The following ITGA1 variants were observed in gnomAD, a reference collection of about 807,000 sequenced individuals.
ITGA1 encodes integrin subunit alpha 1.
Under a neutral mutation model 145.9 loss-of-function variants are expected in ITGA1, and 85 were observed. The observed-to-expected ratio is 0.58, with a 90% confidence interval of 0.49 to 0.70. ITGA1 has a LOEUF of 0.70. Ranked by LOEUF, ITGA1 falls within the 30% of genes least tolerant of loss-of-function variation. The probability of loss-of-function intolerance (pLI) is 0.00; values close to 1 mark genes in which losing one functional copy is unlikely to be tolerated. For missense variants in ITGA1, 1,351 were observed against 1,418.7 expected (o/e 0.95, Z 0.77); for synonymous variants, 520 against 495.3 (o/e 1.05, Z -0.66).
intron 9 of ITGA1, among the ~76,000 whole-genome samples, chr5:52,896,168 A>C (rs1338815930): frequency 6.6e-6 from 1 of 152,192 alleles, no homozygotes. Context: ...AGTTTGAAGC[A>C]AGAAGCCCAG....
chr5:52,815,205 G>A (rs1235164772), intron 1 of ITGA1, among the ~76,000 whole-genome samples: 1 of 151,976 alleles, frequency 6.6e-6, no homozygotes. Context: ...ATCCACCACG[G>A]TTTTTACTCT....
intron 11 of ITGA1, among the ~76,000 whole-genome samples, chr5:52,901,504 T>G (rs1750313708): frequency 6.6e-6 from 1 of 152,202 alleles, no homozygotes; most frequent in Non-Finnish European, 1.5e-5. Context: ...TATTGAGTAT[T>G]TACAAATTTA....
At chr5:52,826,899 A>G (rs555740647) in intron 1 of ITGA1, among the ~76,000 whole-genome samples, 2 of 152,284 alleles carry the variant, frequency 1.3e-5, no homozygotes, top group Admixed American at 6.5e-5. Context: ...TGTTGTTTCA[A>G]TGACTTCTGA....
chr5:52,920,424 A>G lies in ITGA1; in HGVS notation c.2248A>G (p.Thr750Ala). Reference protein sequence around the residue: ...TQERKVQRNITVRKSECTKHS... With the variant: ...TQERKVQRNIAVRKSECTKHS... ...AGAGAGAAAGGTTCAAAGGAACATC[A>G]CAGTTCGAAAATCAGAATGCACTAA... Residue 750 changes from threonine to alanine, a missense_variant, in exon 17 of 29, where the codon ACA becomes GCA. Physicochemically the swap from Thr to Ala is moderately conservative, Grantham distance 58. Coordinates refer to ENST00000282588, the MANE Select transcript of ITGA1 (RefSeq NM_181501.2). 6.2e-7 allele frequency: 1 copy of G among 1,610,472 alleles called. No individual in the cohort carries two copies. The highest frequency in any genetic ancestry group is 1.7e-4 in the Middle Eastern group (1 of 6,040).
intron 7 of ITGA1, among the ~76,000 whole-genome samples, chr5:52,885,927 C>T (rs998292131): frequency 1.1e-4 from 16 of 152,284 alleles, no homozygotes; most frequent in Admixed American, 2.6e-4. Flanking sequence ...TAGGAACATA[C>T]GGCACTGGAG....
intron 28 of ITGA1, among the ~76,000 whole-genome samples, chr5:52,950,519 A>G (rs1290227533): frequency 6.6e-6 from 1 of 152,178 alleles, no homozygotes; most frequent in Non-Finnish European, 1.5e-5. Flanking sequence ...CAAACACAGG[A>G]AGGAAAAAAT....
In ITGA1 at chr5:52,927,359, AG is replaced by A. The variant is rs376083336; in HGVS notation, c.2614-223del. On this transcript the variant is annotated intron_variant, in intron 19 of 28. Transcript: ENST00000282588. ...CCATTTTACAACTGAAAACTTAGGT[AG>A]GATTGTGAGATATGCTTTGTCTTTC... 5.1e-3 allele frequency among the ~76,000 whole-genome samples: 784 copies of A among 152,330 alleles called. 3 individuals are homozygous for A. Among genetic ancestry groups the A allele is most frequent in the Middle Eastern group, 0.041 (12 of 294 alleles).
chr5:52,869,110 G>T (rs1383865378), intron 6 of ITGA1, among the ~76,000 whole-genome samples: 1 of 152,094 alleles, frequency 6.6e-6, no homozygotes, highest in Admixed American at 6.6e-5. Context: ...AATCTCTGAG[G>T]GTGGGGCTAT....
chr5:52,933,942 T>G lies in ITGA1; in HGVS notation c.2910T>G (p.Pro970=). Residue 970 remains proline, a synonymous_variant, in exon 23 of 29, where the codon CCT becomes CCG. Coordinates refer to ENST00000282588, the MANE Select transcript of ITGA1 (RefSeq NM_181501.2). ...HISIAANETV[P]EVINSTEDIG... ...CAATTGCTGCCAATGAGACAGTCCC[T>G]GAAGTTATTAATTCTACTGAGGACA... 6.5e-7 allele frequency: 1 copy of G among 1,536,172 alleles called. No homozygotes were observed. Among genetic ancestry groups the G allele is most frequent in the Non-Finnish European group, 8.8e-7 (1 of 1,136,714 alleles).
At chr5:52,949,383 A>T (rs1193941231) in intron 28 of ITGA1, among the ~76,000 whole-genome samples, 2 of 152,130 alleles carry the variant, frequency 1.3e-5, no homozygotes, top group Admixed American at 6.5e-5. Context: ...CTGTGCCAAA[A>T]CCACTGACTA....
chr5:52,906,539 CG>C (rs1193387091), intron 12 of ITGA1, among the ~76,000 whole-genome samples: 1 of 152,056 alleles, frequency 6.6e-6, no homozygotes, highest in East Asian at 1.9e-4. Context: ...AAAGAAACAT[CG>C]TAAATATGCA....
In ITGA1 at chr5:52,911,688, C is replaced by CTG. The variant is rs1339104058; in HGVS notation, c.1857+1270_1857+1271insGT. Among the ~76,000 whole-genome samples the CTG allele has an allele frequency of 2.3e-4, 31 of 132,568 alleles. 1 individual carries two copies. The highest frequency in any genetic ancestry group is 8.3e-4 in the African/African-American group (30 of 35,986). The allele number at this position is 132,568 out of a possible 152,430, so 87.0% of individuals were successfully genotyped here. ...ACATATAGTGTATCTACTATATATA[C>CTG]TATACATATAGTGTATCTACTATAT... On this transcript the variant is annotated intron_variant, in intron 14 of 28. Coordinates refer to ENST00000282588, the MANE Select transcript of ITGA1 (RefSeq NM_181501.2).
intron 1 of ITGA1, among the ~76,000 whole-genome samples, chr5:52,847,236 C>CT (rs909613146): frequency 1.4e-4 from 21 of 151,122 alleles, no homozygotes; most frequent in South Asian, 2.1e-4. Flanking sequence ...ATGGGTGTAT[C>CT]TTTTTTTTTG....
chr5:52,865,416 C>T (rs1004287972), intron 5 of ITGA1, among the ~76,000 whole-genome samples: 1 of 152,122 alleles, frequency 6.6e-6, no homozygotes. Context: ...ATATAAAATT[C>T]ATATTGAGAA....
rs533370724 is a variant in ITGA1, at chr5:52,897,337, A to C, written c.1091-118A>C. ...AATGTATGGCTGAAAATGCCCTAAG[A>C]TGTTTGAAGTTCTGGTTGGTAAGAC... On this transcript the variant is annotated intron_variant, in intron 9 of 28. Coordinates refer to ENST00000282588, the MANE Select transcript of ITGA1 (RefSeq NM_181501.2). The C allele has an allele frequency of 1.5e-5, 10 of 680,152 alleles. No homozygotes were observed. In the African/African-American group the frequency reaches 1.6e-4, roughly 11 times the overall value. 42.1% of individuals were successfully genotyped at this position (680,152 alleles called of 1,614,324 possible). A position where few individuals can be genotyped will look rare whatever the true frequency, so the allele number is the denominator to read the frequency against.
At chr5:52,849,581 C>A in intron 2 of ITGA1, 96 bp downstream of exon 2, 7 of 1,078,786 alleles carry the variant, frequency 6.5e-6, no homozygotes, top group Non-Finnish European at 7.6e-6. Context: ...GAAACTTTAA[C>A]AGAATGAATT....
At chr5:52,800,380 G>C in intron 1 of ITGA1, 1 of 1,613,408 alleles carries the variant, frequency 6.2e-7, no homozygotes, top group South Asian at 1.1e-5. Flanking sequence ...CTGTCAGTGA[G>C]CCCCTTCCTT....
chr5:52,831,801 C>T lies in ITGA1; in HGVS notation c.62-17564C>T, dbSNP rs949757388. ...ATTAATGTCCGCTGAATGAATATAA[C>T]ATATTCATAATATAGTCATGTCTAT... On this transcript the variant is annotated intron_variant, in intron 1 of 28. Coordinates refer to ENST00000282588, the MANE Select transcript of ITGA1 (RefSeq NM_181501.2). Among the ~76,000 whole-genome samples, 10 of 152,010 alleles carry T rather than the reference C, an allele frequency of 6.6e-5. No individual in the cohort carries two copies. In the South Asian group the frequency reaches 1.2e-3, roughly 19 times the overall value.
chr5:52,910,934 GT>G, intron 14 of ITGA1, among the ~76,000 whole-genome samples: 1 of 134,500 alleles, frequency 7.4e-6, no homozygotes, highest in African/African-American at 2.8e-5. Context: ...AGTATATATG[GT>G]ATGTATACTG....
Sources: allele counts gnomAD v4.1 joint callset (sites outside exome capture counted in the v4.1 genomes callset), GRCh38; gene constraint gnomAD v4.1.1; transcripts MANE v1.5; gene names NCBI Gene and HGNC (gene_info 2026-07-23, HGNC 2026-07-21).